Variants in EPB41L4A observed in about 807,000 individuals in gnomAD.
EPB41L4A encodes the protein band 4.1-like protein 4A.
A neutral mutation model predicts 108.6 loss-of-function variants in EPB41L4A; 100 were observed. That is an observed-to-expected ratio of 0.92 (90% CI 0.78 to 1.09). The LOEUF (loss-of-function observed/expected upper bound fraction) is 1.09, where lower values mean the gene tolerates loss of function less well. Ranked by LOEUF, EPB41L4A falls within the 50% of genes least tolerant of loss-of-function variation. The pLI, the probability that EPB41L4A is intolerant of heterozygous loss-of-function variation, is 0.00. For synonymous variants in EPB41L4A, 319 were observed against 289.0 expected, an observed-to-expected ratio of 1.10 and a Z score of -1.05; for missense variants, 1,030 against 842.7, an observed-to-expected ratio of 1.22 and a Z score of -2.75.
chr5:112,294,615 T>G (rs921053245), intron 2 of EPB41L4A, among the ~76,000 whole-genome samples: 9 of 150,842 alleles, frequency 6.0e-5, no homozygotes, highest in Admixed American at 4.6e-4. Context: ...ATAAACAAGA[T>G]TTAAACAAGG....
intron 13 of EPB41L4A, among the ~76,000 whole-genome samples, chr5:112,206,693 A>T (rs1302027591): frequency 6.6e-6 from 1 of 152,252 alleles, no homozygotes; most frequent in Non-Finnish European, 1.5e-5. Flanking sequence ...GAGAGAGTAT[A>T]CAAAAGTTAA....
At chr5:112,230,571 T>G (rs1186539349) in intron 12 of EPB41L4A, among the ~76,000 whole-genome samples, 2 of 152,150 alleles carry the variant, frequency 1.3e-5, no homozygotes, top group Non-Finnish European at 2.9e-5. Context: ...CACTTTTTGA[T>G]GGGTTATTCA....
At chr5:112,399,705 C>T (rs1761610057) in intron 1 of EPB41L4A, among the ~76,000 whole-genome samples, 1 of 152,162 alleles carries the variant, frequency 6.6e-6, no homozygotes, top group African/African-American at 2.4e-5. Flanking sequence ...TCTGCTTTGA[C>T]CTATCACACA....
intron 1 of EPB41L4A, among the ~76,000 whole-genome samples, chr5:112,418,595 G>A (rs929186407): frequency 6.6e-6 from 1 of 152,180 alleles, no homozygotes; most frequent in Non-Finnish European, 1.5e-5. Flanking sequence ...CCACACTGGT[G>A]GGACGCAGCT....
intron 12 of EPB41L4A, among the ~76,000 whole-genome samples, chr5:112,154,062 T>C (rs948348918): frequency 3.3e-5 from 5 of 152,130 alleles, no homozygotes; most frequent in African/African-American, 1.2e-4. Context: ...CATTTAAATA[T>C]ATTGGGAAGT....
chr5:112,321,201 T>C (rs1050656910), intron 1 of EPB41L4A, among the ~76,000 whole-genome samples: 1 of 152,060 alleles, frequency 6.6e-6, no homozygotes, highest in African/African-American at 2.4e-5. Flanking sequence ...AGAGGAGAGA[T>C]GTTGCCAGAT....
chr5:112,201,536 C>T (rs1762219443), intron 15 of EPB41L4A, among the ~76,000 whole-genome samples: 1 of 152,186 alleles, frequency 6.6e-6, no homozygotes, highest in Non-Finnish European at 1.5e-5. Flanking sequence ...AAATGACTAT[C>T]TGCTCAACAT....
At chr5:112,321,137 C>A (rs1179148514) in intron 1 of EPB41L4A, among the ~76,000 whole-genome samples, 1 of 152,052 alleles carries the variant, frequency 6.6e-6, no homozygotes, top group Non-Finnish European at 1.5e-5. Flanking sequence ...AGAGGCAATT[C>A]TAAAAGCTTG....
chr5:112,396,572 G>A (rs1269219341), intron 1 of EPB41L4A, among the ~76,000 whole-genome samples: 3 of 152,172 alleles, frequency 2.0e-5, no homozygotes, highest in Non-Finnish European at 2.9e-5. Context: ...CTCTTGCGAC[G>A]TTATGGTCAG....
intron 7 of EPB41L4A, among the ~76,000 whole-genome samples, chr5:112,260,783 T>C (rs1225082394): frequency 1.3e-5 from 2 of 152,228 alleles, no homozygotes; most frequent in Non-Finnish European, 2.9e-5. Flanking sequence ...GAGAATGTTA[T>C]TTCTACTCTA....
In EPB41L4A at chr5:112,264,917, T is replaced by C; in HGVS notation, c.533A>G (p.Glu178Gly). 1 of 1,612,330 alleles carries C rather than the reference T, an allele frequency of 6.2e-7. No individual in the cohort carries two copies. Among genetic ancestry groups the C allele is most frequent in the Non-Finnish European group, 8.5e-7 (1 of 1,179,418 alleles). Residue 178 changes from glutamate to glycine, a missense_variant, in exon 6 of 23, where the codon GAA (glutamate) becomes GGA (glycine). Physicochemically the swap from Glu to Gly is moderately conservative, Grantham distance 98. Coordinates refer to ENST00000261486, the MANE Select transcript of EPB41L4A (RefSeq NM_022140.5). Reference sequence around the variant, plus strand: ...TTACATTAGAGTTTTATGAATCCTTTCTATGGCTTCTTCAAGTTCTTCCTT... The same window carrying C: ...TTACATTAGAGTTTTATGAATCCTTCCTATGGCTTCTTCAAGTTCTTCCTT... Reference protein sequence around the residue: ...DQKEELEEAIERIHKTLMGQI... With the variant: ...DQKEELEEAIGRIHKTLMGQI...
intron 1 of EPB41L4A, among the ~76,000 whole-genome samples, chr5:112,390,450 C>A (rs1760861678): frequency 6.6e-6 from 1 of 152,166 alleles, no homozygotes; most frequent in Non-Finnish European, 1.5e-5. Context: ...ACTGCCAGCA[C>A]AGCAGTCCGA....
At chr5:112,358,466 G>T (rs1417556640) in intron 1 of EPB41L4A, among the ~76,000 whole-genome samples, 1 of 152,164 alleles carries the variant, frequency 6.6e-6, no homozygotes, top group African/African-American at 2.4e-5. Context: ...ACGTACCCAT[G>T]GTTGATTATT....
chr5:112,158,924 GT>G (rs1759744970), downstream of EPB41L4A, among the ~76,000 whole-genome samples: 1 of 152,324 alleles, frequency 6.6e-6, no homozygotes, highest in Admixed American at 6.5e-5. Context: ...ACTAAGGCAT[GT>G]TATAATCCCC....
chr5:112,369,900 G>A (rs1254649837), intron 1 of EPB41L4A, among the ~76,000 whole-genome samples: 1 of 152,186 alleles, frequency 6.6e-6, no homozygotes, highest in African/African-American at 2.4e-5. Context: ...CCTGCTTCTG[G>A]TGCTTCCCAC....
intron 1 of EPB41L4A, among the ~76,000 whole-genome samples, chr5:112,395,379 G>T (rs1400140706): frequency 5.3e-5 from 8 of 152,142 alleles, no homozygotes; most frequent in Non-Finnish European, 1.0e-4. Context: ...AATCTACAAA[G>T]AACTTAAAAC....
At chr5:112,348,528 G>A (rs1260586201) in intron 1 of EPB41L4A, among the ~76,000 whole-genome samples, 1 of 152,120 alleles carries the variant, frequency 6.6e-6, no homozygotes. Flanking sequence ...AAGCATCTGG[G>A]AAGTCCCCTG....
intron 1 of EPB41L4A, among the ~76,000 whole-genome samples, chr5:112,359,130 T>C (rs1758550970): frequency 6.6e-6 from 1 of 152,250 alleles, no homozygotes; most frequent in African/African-American, 2.4e-5. Context: ...TATATCTATA[T>C]GTAAAAACTC....
intron 1 of EPB41L4A, among the ~76,000 whole-genome samples, chr5:112,334,944 T>C (rs1031824765): frequency 5.3e-5 from 8 of 152,120 alleles, no homozygotes; most frequent in African/African-American, 1.7e-4. Flanking sequence ...GATCAAACTT[T>C]AGGAGAGAAC....
Sources: gnomAD v4.1 joint callset for allele counts (sites outside exome capture counted in the v4.1 genomes callset) on GRCh38, gnomAD v4.1.1 for gene constraint, MANE v1.5 for transcripts, NCBI Gene and HGNC (gene_info 2026-07-23, HGNC 2026-07-21) for gene names.